The following EPHB1 variants were observed in gnomAD, a reference collection of about 807,000 sequenced individuals.
EPHB1 encodes the protein EPH receptor B1, also known as ephrin type-B receptor 1.
EPHB1 carries 30 observed loss-of-function variants against 94.4 expected under a neutral mutation model. The ratio of observed to expected loss-of-function variants is 0.32; its 90% CI spans 0.24 to 0.43. The LOEUF (loss-of-function observed/expected upper bound fraction) is 0.43. EPHB1 is among the 20% of genes least tolerant of loss of function. The probability of loss-of-function intolerance (pLI) is 1.00; values close to 1 mark genes in which losing one functional copy is unlikely to be tolerated. For synonymous variants in EPHB1, 522 were observed against 489.1 expected, an observed-to-expected ratio of 1.07 and a Z score of -0.89; for missense variants, 1,055 against 1,308.3, an observed-to-expected ratio of 0.81 and a Z score of 2.99.
In EPHB1 at chr3:134,951,849, A is replaced by G; in HGVS notation, c.602A>G (p.Gln201Arg). The G allele has an allele frequency of 6.2e-7, 1 of 1,614,054 alleles. No homozygotes were observed. The highest frequency in any genetic ancestry group is 8.5e-7 in the Non-Finnish European group (1 of 1,179,894). ...VFFKKCPSIV[Q>R]NFAVFPETMT... ...TTCAAAAAGTGTCCCAGCATTGTGC[A>G]AAATTTTGCAGTGTTTCCAGAGACT... Residue 201 changes from glutamine to arginine, a missense_variant, in exon 3 of 16, where the codon CAA becomes CGA. By Grantham distance (43) the Gln-to-Arg change is conservative. Transcript: ENST00000398015. This position sits in a 1 kb window ranked among gnomAD's most constrained non-coding sequence, Gnocchi z 4.5.
At chr3:135,102,825 A>G (rs967797505) in intron 3 of EPHB1, among the ~76,000 whole-genome samples, 1 of 152,236 alleles carries the variant, frequency 6.6e-6, no homozygotes, top group Non-Finnish European at 1.5e-5. Flanking sequence ...TGCCCTTTGC[A>G]GGGACATGGA....
chr3:135,061,243 C>T (rs9831897), intron 3 of EPHB1, among the ~76,000 whole-genome samples: 69,036 of 151,886 alleles, frequency 0.45, 16,146 homozygotes, highest in Middle Eastern at 0.51. Flanking sequence ...GCAGTATACA[C>T]GGCATCCTAT....
intron 1 of EPHB1, among the ~76,000 whole-genome samples, chr3:134,817,609 C>G (rs1455583576): frequency 6.6e-6 from 1 of 152,248 alleles, no homozygotes; most frequent in Non-Finnish European, 1.5e-5. Flanking sequence ...CACCTAATCT[C>G]TCTGAAGTTT....
intron 3 of EPHB1, among the ~76,000 whole-genome samples, chr3:134,975,622 A>T (rs1708237950): frequency 6.6e-6 from 1 of 152,164 alleles, no homozygotes; most frequent in Non-Finnish European, 1.5e-5. Flanking sequence ...ACATGATCTC[A>T]TTTAATCTTA....
chr3:134,885,743 G>A (rs1203831262), intron 1 of EPHB1, among the ~76,000 whole-genome samples: 8 of 152,178 alleles, frequency 5.3e-5, no homozygotes, highest in Non-Finnish European at 1.0e-4. Context: ...GCAGAGCTCC[G>A]GACTCTGGTG....
intron 3 of EPHB1, among the ~76,000 whole-genome samples, chr3:135,049,104 C>T (rs115576095): frequency 1.3e-4 from 20 of 152,298 alleles, no homozygotes; most frequent in African/African-American, 3.9e-4. Flanking sequence ...CCTTCTTCCC[C>T]GCCACTGGGC....
intron 1 of EPHB1, among the ~76,000 whole-genome samples, chr3:134,883,023 C>T (rs546810561): frequency 2.6e-5 from 4 of 151,960 alleles, no homozygotes; most frequent in Admixed American, 6.6e-5. Context: ...GGGGTTTCAC[C>T]GTGTTAGCCA....
intron 1 of EPHB1, among the ~76,000 whole-genome samples, chr3:134,813,444 T>C (rs1282038648): frequency 6.6e-6 from 1 of 152,186 alleles, no homozygotes; most frequent in Non-Finnish European, 1.5e-5. Context: ...TCTTTTGGTT[T>C]GGGGCTTTCT....
At chr3:135,212,906 G>A (rs1270461806) in intron 12 of EPHB1, among the ~76,000 whole-genome samples, 1 of 152,184 alleles carries the variant, frequency 6.6e-6, no homozygotes, top group Non-Finnish European at 1.5e-5. Context: ...GACACCAAAA[G>A]TGGAACATTC....
chr3:135,205,843 T>A (rs1942887407), intron 12 of EPHB1, among the ~76,000 whole-genome samples: 1 of 152,236 alleles, frequency 6.6e-6, no homozygotes, highest in Admixed American at 6.5e-5. Context: ...AGCATACATG[T>A]CTCTAACATG....
intron 2 of EPHB1, among the ~76,000 whole-genome samples, chr3:134,950,506 C>T (rs1245691420): frequency 1.3e-5 from 2 of 152,192 alleles, no homozygotes; most frequent in African/African-American, 2.4e-5. Context: ...GTTCTGCAGG[C>T]TGAACATGAA....
At chr3:134,960,098 G>A (rs1178974673) in intron 3 of EPHB1, among the ~76,000 whole-genome samples, 2 of 148,382 alleles carry the variant, frequency 1.3e-5, no homozygotes, top group African/African-American at 2.5e-5. Flanking sequence ...GAGTCTTTTG[G>A]TTCTGGGCCC....
chr3:134,833,110 C>T (rs1467494371), intron 1 of EPHB1, among the ~76,000 whole-genome samples: 1 of 152,258 alleles, frequency 6.6e-6, no homozygotes, highest in South Asian at 2.1e-4. Flanking sequence ...CCTGTGTGCT[C>T]AACTTCAGGG....
At chr3:135,072,227 A>G (rs529874264) in intron 3 of EPHB1, among the ~76,000 whole-genome samples, 1 of 152,128 alleles carries the variant, frequency 6.6e-6, no homozygotes, top group Admixed American at 6.5e-5. Context: ...CTAAAAATAC[A>G]AAAAATTAGC....
intron 10 of EPHB1, among the ~76,000 whole-genome samples, chr3:135,182,695 AT>A (rs1187924232): frequency 6.7e-6 from 1 of 148,518 alleles, no homozygotes; most frequent in Non-Finnish European, 1.5e-5. Flanking sequence ...GTAAGTTTTT[AT>A]GAGGCGTATG....
At chr3:135,003,781 C>T (rs1404203650) in intron 3 of EPHB1, among the ~76,000 whole-genome samples, 1 of 151,836 alleles carries the variant, frequency 6.6e-6, no homozygotes, top group Admixed American at 6.6e-5. Context: ...AGGATTGCAA[C>T]CCCCGCCTTT....
chr3:135,094,074 T>C (rs1576377984), intron 3 of EPHB1, among the ~76,000 whole-genome samples: 2 of 152,242 alleles, frequency 1.3e-5, no homozygotes, highest in African/African-American at 4.8e-5. Flanking sequence ...CTATGTGTGA[T>C]TATTTCATTT....
At chr3:134,896,900 A>G (rs1441149665) in intron 1 of EPHB1, among the ~76,000 whole-genome samples, 4 of 152,184 alleles carry the variant, frequency 2.6e-5, no homozygotes, top group Admixed American at 1.3e-4. Context: ...CTGCCTCCTA[A>G]TGGCGAGCAA....
chr3:134,910,782 G>A (rs1358139810), intron 1 of EPHB1, among the ~76,000 whole-genome samples: 2 of 152,220 alleles, frequency 1.3e-5, no homozygotes, highest in Non-Finnish European at 2.9e-5. Context: ...TGATCTCACA[G>A]ACAAGAGTGT....
Sources: allele counts gnomAD v4.1 joint callset (sites outside exome capture counted in the v4.1 genomes callset), GRCh38; gene constraint gnomAD v4.1.1; non-coding constraint Gnocchi (gnomAD v3.1); transcripts MANE v1.5; gene names NCBI Gene and HGNC (gene_info 2026-07-23, HGNC 2026-07-21).